The following SUSD4 variants were observed in gnomAD, a reference collection of about 807,000 sequenced individuals.
SUSD4 encodes the protein sushi domain containing 4, also known as sushi domain-containing protein 4.
SUSD4 carries 41 observed loss-of-function variants against 50.5 expected under a neutral mutation model. The observed-to-expected ratio is 0.81, with a 90% CI of 0.63 to 1.05. SUSD4 has a LOEUF of 1.05. Ranked by LOEUF, SUSD4 falls within the 50% of genes least tolerant of loss-of-function variation. The pLI, the probability that SUSD4 is intolerant of heterozygous loss-of-function variation, is 0.00. For missense variants in SUSD4, 580 were observed against 634.7 expected, an observed-to-expected ratio of 0.91 and a Z score of 0.93; for synonymous variants, 257 against 257.3, an observed-to-expected ratio of 1.00 and a Z score of 0.01.
chr1:223,341,873 G>T lies in SUSD4; in HGVS notation c.148+21405C>A, dbSNP rs1413628718. Among the ~76,000 whole-genome samples, 4 of 152,002 alleles carry T rather than the reference G, an allele frequency of 2.6e-5. No homozygotes were observed. In the East Asian group the frequency reaches 5.9e-4, roughly 22 times the overall value. On this transcript the variant is annotated intron_variant, in intron 2 of 8. Coordinates refer to ENST00000366878, the MANE Select transcript of SUSD4 (RefSeq NM_017982.4). ...GCCAACAGAGACCACCATGCCTCCT[G>T]CTTGCCTATCACCACCCCCATCTGC...
intron 2 of SUSD4, among the ~76,000 whole-genome samples, chr1:223,299,932 TA>T (rs1381929747): frequency 6.6e-6 from 1 of 152,188 alleles, no homozygotes. Context: ...GATACCTATC[TA>T]TCTGTCCTCC....
At chr1:223,275,854 C>G (rs1203195913) in intron 3 of SUSD4, among the ~76,000 whole-genome samples, 1 of 152,190 alleles carries the variant, frequency 6.6e-6, no homozygotes, top group Non-Finnish European at 1.5e-5. Context: ...AAGCGCTGGC[C>G]CATCTCTTAG....
chr1:223,345,912 G>T (rs939393168), intron 2 of SUSD4, among the ~76,000 whole-genome samples: 1 of 151,994 alleles, frequency 6.6e-6, no homozygotes, highest in Non-Finnish European at 1.5e-5. Context: ...TACCTCCTCC[G>T]GGCCTTCAGC....
At chr1:223,241,223 C>T (rs1304683434) in intron 5 of SUSD4, among the ~76,000 whole-genome samples, 1 of 152,186 alleles carries the variant, frequency 6.6e-6, no homozygotes, top group African/African-American at 2.4e-5. Context: ...GGCTCATTCT[C>T]CTCCCCCTGC....
At chr1:223,240,961 A>AG (rs1198348933) in intron 5 of SUSD4, among the ~76,000 whole-genome samples, 1 of 152,218 alleles carries the variant, frequency 6.6e-6, no homozygotes, top group African/African-American at 2.4e-5. Flanking sequence ...TGTAGCCCTA[A>AG]GAGTGGGTCT....
chr1:223,237,489 G>A (rs1660299382), intron 5 of SUSD4, among the ~76,000 whole-genome samples: 1 of 151,880 alleles, frequency 6.6e-6, no homozygotes, highest in South Asian at 2.1e-4. Flanking sequence ...TAGCTTTTTT[G>A]TAGATATTCT....
At position 223,227,284 on chromosome 1, in the gene SUSD4, G is replaced by T. The variant is rs1480163671; in HGVS notation, c.1061+310C>A. On this transcript the variant is annotated intron_variant, in intron 7 of 8. Coordinates refer to ENST00000366878, the MANE Select transcript of SUSD4 (RefSeq NM_017982.4). This position sits in a 1 kb window ranked among gnomAD's most constrained non-coding sequence, Gnocchi z 4.5. ...GGCCACATGCAGGGGGACCACAGTG[G>T]GAATGGTGCCTCTGGGTGGAGCAGT... Among the ~76,000 whole-genome samples the T allele has an allele frequency of 5.3e-5, 8 of 152,164 alleles. No homozygotes were observed. Among genetic ancestry groups the T allele is most frequent in the African/African-American group, 1.9e-4 (8 of 41,434 alleles).
intron 5 of SUSD4, among the ~76,000 whole-genome samples, chr1:223,244,969 A>G (rs1013702476): frequency 4.6e-5 from 7 of 152,126 alleles, no homozygotes; most frequent in Non-Finnish European, 1.0e-4. Context: ...AAAGTCCCCT[A>G]AATAGATGAC....
chr1:223,336,442 G>A (rs1667460298), intron 2 of SUSD4, among the ~76,000 whole-genome samples: 1 of 152,170 alleles, frequency 6.6e-6, no homozygotes, highest in Admixed American at 6.5e-5. Flanking sequence ...GAAACATGAA[G>A]GTAGCCGCAT....
At chr1:223,242,972 T>C (rs1660684900) in intron 5 of SUSD4, among the ~76,000 whole-genome samples, 2 of 152,174 alleles carry the variant, frequency 1.3e-5, no homozygotes, top group Non-Finnish European at 2.9e-5. Context: ...TGCTTCTCTG[T>C]CTCATTAGAG....
intron 2 of SUSD4, among the ~76,000 whole-genome samples, chr1:223,327,072 G>T (rs1572067852): frequency 1.3e-5 from 2 of 152,098 alleles, no homozygotes; most frequent in Non-Finnish European, 2.9e-5. Flanking sequence ...ATTCACAATT[G>T]CAAAAATATG....
At chr1:223,329,281 C>A (rs1667046216) in intron 2 of SUSD4, among the ~76,000 whole-genome samples, 1 of 152,186 alleles carries the variant, frequency 6.6e-6, no homozygotes, top group South Asian at 2.1e-4. Flanking sequence ...GCCTTCATTT[C>A]TACTCAAGTT....
At chr1:223,339,578 A>AG (rs963773329) in intron 2 of SUSD4, among the ~76,000 whole-genome samples, 3 of 152,164 alleles carry the variant, frequency 2.0e-5, no homozygotes, top group African/African-American at 7.2e-5. Context: ...TGTGAGACTG[A>AG]GGGAGTCACT....
At chr1:223,297,303 G>C (rs904592366) in intron 2 of SUSD4, among the ~76,000 whole-genome samples, 1 of 152,224 alleles carries the variant, frequency 6.6e-6, no homozygotes, top group African/African-American at 2.4e-5. Context: ...GGAGGCAGCT[G>C]CTCATGGACT....
At chr1:223,283,162 T>C (rs889389047) in intron 3 of SUSD4, among the ~76,000 whole-genome samples, 1 of 152,174 alleles carries the variant, frequency 6.6e-6, no homozygotes, top group African/African-American at 2.4e-5. Context: ...ATTCAGGACA[T>C]AGGCAAGGGC....
chr1:223,289,305 T>C (rs1664334434), intron 3 of SUSD4: 9 of 985,212 alleles, frequency 9.1e-6, no homozygotes, highest in South Asian at 4.7e-5. Flanking sequence ...ATCTCTGAGG[T>C]TGGAGACTTT....
chr1:223,361,790 T>G (rs1414286843), intron 2 of SUSD4, among the ~76,000 whole-genome samples: 2 of 152,206 alleles, frequency 1.3e-5, no homozygotes, highest in African/African-American at 4.8e-5. Context: ...AAGCTAGAAC[T>G]GGGAGGCAAA....
rs1665036684 is a variant in SUSD4, at chr1:223,299,350, T to C, written c.149-6699A>G. Among the ~76,000 whole-genome samples the C allele has an allele frequency of 2.0e-5, 3 of 152,222 alleles. No homozygotes were observed. In the South Asian group the frequency reaches 6.2e-4, roughly 32 times the overall value. ...AAACCTATTTCCTCCCCATTCTTCA[T>C]ATTCTGCTCACGCATGAGAACTAAG... On this transcript the variant is annotated intron_variant, in intron 2 of 8. Transcript: ENST00000366878.
intron 5 of SUSD4, among the ~76,000 whole-genome samples, chr1:223,248,226 G>A (rs1661072212): frequency 6.6e-6 from 1 of 152,150 alleles, no homozygotes; most frequent in Admixed American, 6.5e-5. Context: ...GAGGAGCGTG[G>A]AGAAGTGGCA....
Sources: allele counts gnomAD v4.1 joint callset (sites outside exome capture counted in the v4.1 genomes callset), GRCh38; gene constraint gnomAD v4.1.1; non-coding constraint Gnocchi (gnomAD v3.1); transcripts MANE v1.5; gene names NCBI Gene and HGNC (gene_info 2026-07-23, HGNC 2026-07-21).